The following FOXP2 variants were observed in gnomAD, a reference collection of about 807,000 sequenced individuals.
FOXP2 encodes the protein forkhead box protein P2.
In FOXP2, 12 loss-of-function variants were observed where a neutral mutation model predicts 115.8. That is an observed-to-expected ratio of 0.10 (90% CI 0.07 to 0.17). The LOEUF (loss-of-function observed/expected upper bound fraction) is 0.17. Ranked by LOEUF, FOXP2 falls within the 10% of genes least tolerant of loss-of-function variation. The pLI is 1.00. For synonymous variants in FOXP2, 328 were observed against 297.7 expected (o/e 1.10, Z -1.05); for missense variants, 629 against 843.5 (o/e 0.75, Z 3.15).
At chr7:114,573,555 T>C (rs1428501365) in intron 3 of FOXP2, among the ~76,000 whole-genome samples, 1 of 151,806 alleles carries the variant, frequency 6.6e-6, no homozygotes, top group Non-Finnish European at 1.5e-5. Flanking sequence ...TGTGAATTAT[T>C]ACAATAGTTT....
At chr7:114,359,954 G>A (rs529464628) in intron 2 of FOXP2, among the ~76,000 whole-genome samples, 1 of 152,272 alleles carries the variant, frequency 6.6e-6, no homozygotes, top group African/African-American at 2.4e-5. Context: ...GTTTTGAAAT[G>A]TGAGGACATG....
At chr7:114,381,130 G>A (rs1340985018) in intron 2 of FOXP2, among the ~76,000 whole-genome samples, 3 of 152,148 alleles carry the variant, frequency 2.0e-5, no homozygotes, top group East Asian at 1.9e-4. Flanking sequence ...ATCCATATTC[G>A]GCAGAAACCT....
chr7:114,436,664 G>A lies in FOXP2; in HGVS notation c.168+9985G>A, dbSNP rs375194697. Among the ~76,000 whole-genome samples the A allele has an allele frequency of 9.2e-5, 14 of 151,712 alleles. No individual in the cohort carries two copies. In the East Asian group the frequency reaches 2.4e-3, roughly 26 times the overall value. On this transcript the variant is annotated intron_variant, in intron 2 of 16. Transcript: ENST00000350908. ...CTAGCAGGAAATGGACACCAATCTAGCAGGGAATAGACAGCAAATAATCAC... is the reference window on the plus strand; with the variant it reads ...CTAGCAGGAAATGGACACCAATCTAACAGGGAATAGACAGCAAATAATCAC...
At chr7:114,158,470 C>T (rs373638079), upstream of FOXP2, among the ~76,000 whole-genome samples, 6 of 151,940 alleles carry the variant, frequency 3.9e-5, no homozygotes, top group African/African-American at 9.6e-5. Flanking sequence ...TGGGAAATTC[C>T]GATTTGGCAA....
rs538682603 is a variant in FOXP2, at chr7:114,406,259, A to G, written c.-10-20243A>G. ...TAAGTTTAGTTTTCTGTGCTAGAAA[A>G]AAACATATTTTGCTCCAGCTGTTTT... On this transcript the variant is annotated intron_variant, in intron 2 of 17. Transcript: ENST00000634411. Among the ~76,000 whole-genome samples, 6 of 152,072 alleles carry G rather than the reference A, an allele frequency of 3.9e-5. No homozygotes were observed. The South Asian group carries it at 1.2e-3, about 31-fold the overall frequency.
At chr7:114,519,618 A>T (rs553606321) in intron 2 of FOXP2, among the ~76,000 whole-genome samples, 1 of 152,250 alleles carries the variant, frequency 6.6e-6, no homozygotes, top group East Asian at 1.9e-4. Context: ...AGTTATGTAA[A>T]TGAAGATAAT....
chr7:114,482,520 G>C (rs920193713), intron 2 of FOXP2, among the ~76,000 whole-genome samples: 1 of 151,406 alleles, frequency 6.6e-6, no homozygotes, highest in Admixed American at 6.6e-5. Context: ...AACAAGGTAT[G>C]TCTTTATCAC....
chr7:114,678,834 T>C (rs930645451), intron 16 of FOXP2, among the ~76,000 whole-genome samples: 11 of 152,080 alleles, frequency 7.2e-5, no homozygotes, highest in Admixed American at 1.3e-4. Context: ...TCATTGTTCT[T>C]GAGCAATTAA....
intron 3 of FOXP2, among the ~76,000 whole-genome samples, chr7:114,555,353 C>T (rs1221864348): frequency 6.6e-6 from 1 of 152,072 alleles, no homozygotes; most frequent in African/African-American, 2.4e-5. Context: ...AATATAGTGC[C>T]TCTTAGTTGC....
At chr7:114,446,133 A>G (rs1794827792) in intron 2 of FOXP2, among the ~76,000 whole-genome samples, 1 of 151,796 alleles carries the variant, frequency 6.6e-6, no homozygotes, top group African/African-American at 2.4e-5. Context: ...GATTTTTGTC[A>G]TAAGCATTTT....
intron 1 of FOXP2, among the ~76,000 whole-genome samples, chr7:114,282,508 T>C (rs1199675598): frequency 6.6e-6 from 1 of 152,192 alleles, no homozygotes; most frequent in Non-Finnish European, 1.5e-5. Flanking sequence ...TGTCCTGGTT[T>C]ATATCTTACT....
chr7:114,121,399 G>T (rs1473905973), intron 1 of FOXP2, among the ~76,000 whole-genome samples: 1 of 151,980 alleles, frequency 6.6e-6, no homozygotes, highest in Non-Finnish European at 1.5e-5. Context: ...CTTTGTTATC[G>T]CAGCCCAAAC....
At position 114,142,126 on chromosome 7, in the gene FOXP2, G is replaced by C. The variant is rs549473454; in HGVS notation, c.-246-20818G>C. ...CAACCTCCGTCTTCAGGTTTCAAGCGATTCTCCTGCCTCAGCCTCCTGAGT... is the reference window on the plus strand; with the variant it reads ...CAACCTCCGTCTTCAGGTTTCAAGCCATTCTCCTGCCTCAGCCTCCTGAGT... On this transcript the variant is annotated intron_variant, in intron 1 of 19. Coordinates refer to the FOXP2 transcript ENST00000635638. Among the ~76,000 whole-genome samples, 6 of 152,142 alleles carry C rather than the reference G, an allele frequency of 3.9e-5. No individual in the cohort carries two copies. The South Asian group carries it at 1.0e-3, about 26-fold the overall frequency.
At chr7:114,494,267 C>T (rs1797207859) in intron 2 of FOXP2, among the ~76,000 whole-genome samples, 1 of 152,088 alleles carries the variant, frequency 6.6e-6, no homozygotes, top group Non-Finnish European at 1.5e-5. Flanking sequence ...TGAAATTACT[C>T]CTAAGTTGCA....
chr7:114,213,779 G>C (rs1009979402), intron 1 of FOXP2, among the ~76,000 whole-genome samples: 1 of 152,092 alleles, frequency 6.6e-6, no homozygotes, highest in Non-Finnish European at 1.5e-5. Context: ...AATATTTTAA[G>C]TTAATCATTG....
intron 3 of FOXP2, among the ~76,000 whole-genome samples, chr7:114,620,845 G>T (rs1420244866): frequency 6.6e-6 from 1 of 151,998 alleles, no homozygotes; most frequent in African/African-American, 2.4e-5. Context: ...ATAATAATCA[G>T]ATTTGGTATC....
intron 2 of FOXP2, among the ~76,000 whole-genome samples, chr7:114,293,226 C>T (rs1162074084): frequency 6.6e-6 from 1 of 152,150 alleles, no homozygotes; most frequent in East Asian, 1.9e-4. Context: ...TTAGGTTATG[C>T]ATGATATTAA....
At chr7:114,389,588 A>T (rs1218433433) in intron 2 of FOXP2, among the ~76,000 whole-genome samples, 1 of 152,228 alleles carries the variant, frequency 6.6e-6, no homozygotes, top group African/African-American at 2.4e-5. Flanking sequence ...GGGCATATGA[A>T]GAAATTACTG....
chr7:114,286,812 G>C (rs954258847), intron 1 of FOXP2, among the ~76,000 whole-genome samples: 1 of 152,054 alleles, frequency 6.6e-6, no homozygotes, highest in African/African-American at 2.4e-5. Flanking sequence ...AGTACCCAAG[G>C]AAAGGAGTAA....
Sources: gnomAD v4.1 joint callset for allele counts (sites outside exome capture counted in the v4.1 genomes callset) on GRCh38, gnomAD v4.1.1 for gene constraint, MANE v1.5 for transcripts, NCBI Gene and HGNC (gene_info 2026-07-23, HGNC 2026-07-21) for gene names.